Variants in RBFOX1 observed in about 807,000 individuals in gnomAD.
RBFOX1 encodes the protein RNA binding fox-1 homolog 1.
A neutral mutation model predicts 57.7 loss-of-function variants in RBFOX1; 8 were observed. The observed-to-expected ratio is 0.14, with a 90% CI of 0.08 to 0.25. The LOEUF is 0.25. Among genes scored for constraint, RBFOX1 ranks in the 10% least tolerant of loss-of-function variants. The probability of loss-of-function intolerance (pLI) is 1.00; values close to 1 mark genes in which losing one functional copy is unlikely to be tolerated. For missense variants in RBFOX1, 611 were observed against 548.5 expected, an observed-to-expected ratio of 1.11 and a Z score of -1.14; for synonymous variants, 326 against 222.4, an observed-to-expected ratio of 1.47 and a Z score of -4.15.
At position 5,563,246 on chromosome 16, in the gene RBFOX1, G is replaced by A. The variant is rs116012739; in HGVS notation, c.259-35656G>A. Among the ~76,000 whole-genome samples, 556 of 152,304 alleles carry A rather than the reference G, an allele frequency of 3.7e-3. 4 individuals are homozygous for A. The highest frequency in any genetic ancestry group is 0.013 in the African/African-American group (536 of 41,586). ...TTACAGGCGTGAGCCACCGCGCCCAGCTGAGGCTGTATTATTGTATTATTG... is the reference window on the plus strand; with the variant it reads ...TTACAGGCGTGAGCCACCGCGCCCAACTGAGGCTGTATTATTGTATTATTG... On this transcript the variant is annotated intron_variant, in intron 2 of 2. Coordinates refer to the RBFOX1 transcript ENST00000585867.
intron 4 of RBFOX1, among the ~76,000 whole-genome samples, chr16:5,984,964 ATATATATATATATTTTTTT>A (rs1283228302): frequency 9.5e-5 from 4 of 42,046 alleles, no homozygotes; most frequent in South Asian, 9.1e-4. Flanking sequence ...ATATATATAT[ATATATATATATATTTTTTT>A]TTTTTTTTTT....
At chr16:7,702,333 T>G (rs1315401728) in intron 14 of RBFOX1, among the ~76,000 whole-genome samples, 1 of 152,208 alleles carries the variant, frequency 6.6e-6, no homozygotes, top group African/African-American at 2.4e-5. Context: ...AAGTGAGCTT[T>G]TGTCTCCATT....
intron 2 of RBFOX1, among the ~76,000 whole-genome samples, chr16:6,525,103 A>G (rs911205634): frequency 1.3e-5 from 2 of 152,172 alleles, no homozygotes; most frequent in East Asian, 3.9e-4. Flanking sequence ...TATCAACACA[A>G]AACTGTAAAA....
intron 1 of RBFOX1, among the ~76,000 whole-genome samples, chr16:6,257,869 G>C (rs994190004): frequency 5.9e-5 from 9 of 152,106 alleles, no homozygotes; most frequent in Admixed American, 2.0e-4. Context: ...ACTGTGAATA[G>C]TGCTGCAGTG....
chr16:7,363,326 A>T (rs2097367035), intron 4 of RBFOX1, among the ~76,000 whole-genome samples: 1 of 152,164 alleles, frequency 6.6e-6, no homozygotes. Flanking sequence ...CTTGTGTGTT[A>T]CTTACAACGT....
intron 5 of RBFOX1, among the ~76,000 whole-genome samples, chr16:7,527,131 C>T (rs1444264406): frequency 3.3e-5 from 5 of 152,180 alleles, no homozygotes; most frequent in Non-Finnish European, 5.9e-5. Context: ...TTTCGGATGA[C>T]AGTGTGACTG....
intron 4 of RBFOX1, among the ~76,000 whole-genome samples, chr16:7,491,893 T>A (rs1290296862): frequency 6.6e-6 from 1 of 152,178 alleles, no homozygotes; most frequent in Non-Finnish European, 1.5e-5. Flanking sequence ...TGGCCAATCT[T>A]CCAAATCTGG....
chr16:7,165,933 T>TACACACACACACACACATACACACAC (rs2079390405), intron 4 of RBFOX1, among the ~76,000 whole-genome samples: 1 of 143,156 alleles, frequency 7.0e-6, no homozygotes. Context: ...CGCATGCACA[T>TACACACACACACACACATACACACAC]ACACACACAC....
intron 5 of RBFOX1, among the ~76,000 whole-genome samples, chr16:7,576,669 A>T (rs2093363378): frequency 6.6e-6 from 1 of 152,230 alleles, no homozygotes; most frequent in Admixed American, 6.5e-5. Flanking sequence ...GAGATGATTA[A>T]TTTTAATTTT....
rs918822155 is a variant in RBFOX1, at chr16:7,019,012, C to G, written c.-15-33045C>G. Among the ~76,000 whole-genome samples the G allele has an allele frequency of 3.5e-4, 53 of 151,942 alleles. 1 individual carries two copies. Among genetic ancestry groups the G allele is most frequent in the African/African-American group, 1.3e-3 (52 of 41,468 alleles). On this transcript the variant is annotated intron_variant, in intron 3 of 15. Coordinates refer to ENST00000550418, the MANE Select transcript of RBFOX1 (RefSeq NM_018723.4). ...AAGCAAAGAAGAAGCAAAAAGAAAG[C>G]GTTCTTGTTCAGAACTGAAAAAAAC... is the stretch of plus-strand genomic sequence containing the variant.
intron 1 of RBFOX1, among the ~76,000 whole-genome samples, chr16:6,223,994 C>T (rs1252684119): frequency 6.6e-6 from 1 of 152,052 alleles, no homozygotes; most frequent in Non-Finnish European, 1.5e-5. Flanking sequence ...TCAGGTTTGT[C>T]AAAGATCAGA....
intron 2 of RBFOX1, among the ~76,000 whole-genome samples, chr16:5,567,319 G>A (rs750205531): frequency 6.6e-6 from 1 of 152,172 alleles, no homozygotes; most frequent in Non-Finnish European, 1.5e-5. Context: ...ACTTTGGTCA[G>A]GTTAAGTGGT....
chr16:6,209,616 C>A (rs1418657209), intron 1 of RBFOX1, among the ~76,000 whole-genome samples: 1 of 152,240 alleles, frequency 6.6e-6, no homozygotes, highest in Non-Finnish European at 1.5e-5. Context: ...TGCCACCATC[C>A]TCCTGCCCTA....
chr16:7,471,784 A>G (rs1391089224), intron 4 of RBFOX1, among the ~76,000 whole-genome samples: 3 of 152,222 alleles, frequency 2.0e-5, no homozygotes, highest in Admixed American at 2.0e-4. Flanking sequence ...CTTTCCCTTA[A>G]GAGTGATGTG....
chr16:7,614,054 C>T (rs749598833), intron 10 of RBFOX1, among the ~76,000 whole-genome samples: 2 of 152,276 alleles, frequency 1.3e-5, no homozygotes, highest in Middle Eastern at 6.8e-3. Context: ...TCAGGTGCCC[C>T]TCTTGGCTCC....
intron 4 of RBFOX1, among the ~76,000 whole-genome samples, chr16:7,280,110 C>G (rs574852068): frequency 1.3e-5 from 2 of 152,356 alleles, no homozygotes; most frequent in South Asian, 4.1e-4. Flanking sequence ...CTTCTGAATC[C>G]TGGCTGAGTT....
chr16:6,909,981 G>C (rs1308808629), intron 3 of RBFOX1, among the ~76,000 whole-genome samples: 1 of 152,006 alleles, frequency 6.6e-6, no homozygotes, highest in Non-Finnish European at 1.5e-5. Context: ...TCCTCAGGCA[G>C]ATCTCTCTTG....
At chr16:5,524,921 C>T (rs559781798) in intron 2 of RBFOX1, among the ~76,000 whole-genome samples, 1 of 152,310 alleles carries the variant, frequency 6.6e-6, no homozygotes, top group South Asian at 2.1e-4. Flanking sequence ...ACAAGTCCCC[C>T]ACCATACCCT....
intron 4 of RBFOX1, among the ~76,000 whole-genome samples, chr16:7,217,769 G>T (rs2092333992): frequency 6.6e-6 from 1 of 152,204 alleles, no homozygotes; most frequent in Admixed American, 6.5e-5. Context: ...ACATCAGAAA[G>T]AACATTTTTA....
Sources: allele counts gnomAD v4.1 joint callset (sites outside exome capture counted in the v4.1 genomes callset), GRCh38; gene constraint gnomAD v4.1.1; transcripts MANE v1.5; gene names NCBI Gene and HGNC (gene_info 2026-07-23, HGNC 2026-07-21).